GPR89B: variants seen among roughly 807,000 people sequenced by gnomAD.
The protein encoded by GPR89B is golgi pH regulator B.
GPR89B carries 25 observed loss-of-function variants against 52.4 expected under a neutral mutation model. The observed-to-expected ratio is 0.48, with a 90% CI of 0.35 to 0.67. GPR89B has a LOEUF of 0.67. GPR89B is among the 30% of genes least tolerant of loss of function. GPR89B has a pLI of 0.01. For synonymous variants in GPR89B, 52 were observed against 151.2 expected, an observed-to-expected ratio of 0.34 and a Z score of 4.81; for missense variants, 146 against 450.2, an observed-to-expected ratio of 0.32 and a Z score of 6.11.
chr1:148,012,793 T>C, the GPR89B span, among the ~76,000 whole-genome samples: 5 of 152,082 alleles, frequency 3.3e-5, no homozygotes, highest in East Asian at 9.6e-4. Flanking sequence ...AAGGCTTTGA[T>C]TGCTGGCAAA....
At chr1:147,983,295 G>A (rs2149090221) in intron 10 of GPR89B, among the ~76,000 whole-genome samples, 1 of 152,192 alleles carries the variant, frequency 6.6e-6, no homozygotes, top group African/African-American at 2.4e-5. Context: ...CATACCAAAA[G>A]CAATGGCAAC....
intron 5 of GPR89B, among the ~76,000 whole-genome samples, chr1:147,949,624 T>G (rs1655375070): frequency 7.6e-6 from 1 of 132,110 alleles, no homozygotes; most frequent in Non-Finnish European, 1.6e-5. Context: ...GGCGGGGGGC[T>G]GACCCCCCCA....
intron 10 of GPR89B, among the ~76,000 whole-genome samples, chr1:147,983,576 A>T (rs1222807281): frequency 4.6e-5 from 7 of 152,232 alleles, no homozygotes; most frequent in Admixed American, 2.6e-4. Flanking sequence ...ACAAGAAAAA[A>T]TGCTCACCAT....
the GPR89B span, chr1:148,021,913 G>A: frequency 6.7e-6 from 1 of 148,388 alleles, no homozygotes; most frequent in Non-Finnish European, 1.5e-5. Flanking sequence ...CTTTTCCTCA[G>A]CGAAGCCTAT....
chr1:147,981,797 T>C (rs1461059665), intron 10 of GPR89B, among the ~76,000 whole-genome samples: 1 of 150,034 alleles, frequency 6.7e-6, no homozygotes, highest in African/African-American at 2.5e-5. Flanking sequence ...GGATTACAGG[T>C]GCGTACCACC....
Position 147,990,736 on chromosome 1 carries a change from T to C in GPR89B, c.1096-1766T>C, listed in dbSNP as rs1437978454. Among the ~76,000 whole-genome samples, 1,019 of 151,546 alleles carry C rather than the reference T, an allele frequency of 6.7e-3. 23 individuals carry two copies. The highest frequency in any genetic ancestry group is 0.041 in the East Asian group (212 of 5,124). ...TTCCCCATTTCTTGTTTTTGTCAGGTTTGTCAAAGAGCAGATGGTTGTAGA... is the reference window on the plus strand; with the variant it reads ...TTCCCCATTTCTTGTTTTTGTCAGGCTTGTCAAAGAGCAGATGGTTGTAGA... On this transcript the variant is annotated intron_variant, in intron 12 of 13. Coordinates refer to ENST00000314163, the MANE Select transcript of GPR89B (RefSeq NM_016334.5).
At chr1:147,949,877 C>T (rs1655438836) in intron 5 of GPR89B, among the ~76,000 whole-genome samples, 2 of 124,688 alleles carry the variant, frequency 1.6e-5, no homozygotes, top group Non-Finnish European at 1.7e-5. Flanking sequence ...GGCGGCCGGG[C>T]AGAGGCGCCC....
chr1:148,002,884 A>G, the GPR89B span, among the ~76,000 whole-genome samples: 3 of 152,078 alleles, frequency 2.0e-5, no homozygotes, highest in African/African-American at 7.2e-5. Context: ...TCCCAAATCT[A>G]TTCATGTTAC....
At chr1:148,005,556 C>G in the GPR89B span, 3 of 1,241,262 alleles carry the variant, frequency 2.4e-6, no homozygotes, top group Non-Finnish European at 3.4e-6. Context: ...CAAGTGACTC[C>G]CTCTTGGATG....
the GPR89B span, among the ~76,000 whole-genome samples, chr1:148,013,332 G>C: frequency 1.3e-5 from 2 of 152,108 alleles, no homozygotes; most frequent in Non-Finnish European, 2.9e-5. Context: ...GCAGGCCTCC[G>C]GCCGCCTTCT....
rs1235670238 is a variant in GPR89B, at chr1:147,988,370, C to A, written c.1006-62C>A. On this transcript the variant is annotated intron_variant, in intron 11 of 13. Coordinates refer to ENST00000314163, the MANE Select transcript of GPR89B (RefSeq NM_016334.5). ...AGTCATGTAAATGATTGGGATATAG[C>A]TTAGCCCTTACGTCTCTCTGAACAG... 3.2e-6 allele frequency: 5 copies of A among 1,576,514 alleles called. No homozygotes were observed. The Admixed American group carries it at 5.0e-5, about 16-fold the overall frequency.
At chr1:147,998,064 A>T (rs1412316800), downstream of GPR89B, among the ~76,000 whole-genome samples, 4 of 151,868 alleles carry the variant, frequency 2.6e-5, no homozygotes, top group Non-Finnish European at 5.9e-5. Flanking sequence ...AGGAAACAGG[A>T]TTGATTTTTT....
chr1:147,961,541 G>C (rs1553252243), intron 7 of GPR89B, among the ~76,000 whole-genome samples: 1 of 152,260 alleles, frequency 6.6e-6, no homozygotes, highest in Non-Finnish European at 1.5e-5. Flanking sequence ...GAGCAGTGGT[G>C]AATGCGCTTG....
chr1:147,972,453 G>A (rs1657541432), intron 10 of GPR89B, among the ~76,000 whole-genome samples: 1 of 150,662 alleles, frequency 6.6e-6, no homozygotes, highest in African/African-American at 2.5e-5. Context: ...CACTGTGTAT[G>A]AGTTTCAGTT....
chr1:147,963,922 A>G (rs1446554325), intron 7 of GPR89B, among the ~76,000 whole-genome samples: 1 of 152,200 alleles, frequency 6.6e-6, no homozygotes, highest in Non-Finnish European at 1.5e-5. Flanking sequence ...AGTGAAAAAG[A>G]ATCCCCAAAG....
intron 1 of GPR89B, among the ~76,000 whole-genome samples, chr1:147,935,692 G>A (rs1654027504): frequency 6.6e-6 from 1 of 152,006 alleles, no homozygotes; most frequent in South Asian, 2.1e-4. Context: ...TCTAATTTTG[G>A]TCTCAACTCC....
downstream of GPR89B, chr1:147,995,969 G>A: frequency 2.3e-6 from 3 of 1,304,876 alleles, no homozygotes; most frequent in East Asian, 2.3e-5. Context: ...TAGATGAGGA[G>A]CTCAAGAATT....
At chr1:147,949,318 C>T (rs587740890) in intron 5 of GPR89B, among the ~76,000 whole-genome samples, 2 of 149,106 alleles carry the variant, frequency 1.3e-5, no homozygotes, top group East Asian at 3.9e-4. Context: ...AGGGGCTCCT[C>T]ACTTCCCAGT....
the GPR89B span, among the ~76,000 whole-genome samples, chr1:148,002,860 A>G: frequency 1.3e-5 from 2 of 152,132 alleles, no homozygotes; most frequent in African/African-American, 4.8e-5. Flanking sequence ...TCCTTATCCC[A>G]GCTCTGTCTA....
Sources: allele counts gnomAD v4.1 joint callset (sites outside exome capture counted in the v4.1 genomes callset), GRCh38; gene constraint gnomAD v4.1.1; transcripts MANE v1.5; gene names NCBI Gene and HGNC (gene_info 2026-07-23, HGNC 2026-07-21).